PAK2: variants seen among roughly 807,000 people sequenced by gnomAD.
PAK2 encodes the protein serine/threonine-protein kinase PAK 2.
Under a neutral mutation model 65.9 loss-of-function variants are expected in PAK2, and 21 were observed. The ratio of observed to expected loss-of-function variants is 0.32; its 90% CI spans 0.23 to 0.46. The LOEUF (loss-of-function observed/expected upper bound fraction) is 0.46. PAK2 is among the 20% of genes least tolerant of loss of function. The pLI, the probability that PAK2 is intolerant of heterozygous loss-of-function variation, is 1.00. For missense variants in PAK2, 324 were observed against 642.6 expected (o/e 0.50, Z 5.36); for synonymous variants, 204 against 219.7 (o/e 0.93, Z 0.63).
At chr3:196,776,664 C>A (rs769425752) in intron 1 of PAK2, among the ~76,000 whole-genome samples, 2 of 152,228 alleles carry the variant, frequency 1.3e-5, no homozygotes, top group African/African-American at 2.4e-5. Context: ...TACTGCATAA[C>A]GAGATGTGTC....
At chr3:196,777,196 T>G (rs939089381) in intron 1 of PAK2, among the ~76,000 whole-genome samples, 11 of 151,928 alleles carry the variant, frequency 7.2e-5, no homozygotes, top group Non-Finnish European at 1.6e-4. Flanking sequence ...AACAACTTGG[T>G]TTTTTTTGTT....
At chr3:196,790,964 C>G (rs928999444) in intron 2 of PAK2, among the ~76,000 whole-genome samples, 2 of 152,300 alleles carry the variant, frequency 1.3e-5, no homozygotes, top group African/African-American at 4.8e-5. Flanking sequence ...AGCTCTCTGG[C>G]TCCTGAAAAG....
In PAK2 at chr3:196,811,217, C is replaced by CTTCCT. The variant is rs1560113562; in HGVS notation, c.773+565_773+566insTCCTT. The stretch of plus-strand genomic sequence containing the variant: ...TTCCTTCCTCCCTTCCTTCCCTTCC[C>CTTCCT]TCCCTCCCTTCCCTTCCCTTCCTTC... On this transcript the variant is annotated intron_variant, in intron 8 of 14. Transcript: ENST00000327134. 7.4e-3 allele frequency among the ~76,000 whole-genome samples: 40 copies of CTTCCT among 5,394 alleles called. 13 individuals are homozygous for CTTCCT. Among genetic ancestry groups the CTTCCT allele is most frequent in the Non-Finnish European group, 0.011 (33 of 3,066 alleles). The allele number at this position is 5,394 out of a possible 152,430, so 3.5% of individuals were successfully genotyped here.
intron 7 of PAK2, among the ~76,000 whole-genome samples, chr3:196,809,075 CAA>C (rs921598933): frequency 7.2e-6 from 1 of 138,192 alleles, no homozygotes. Context: ...TCCACCCCCT[CAA>C]AAAAAAAAGA....
At chr3:196,772,462 T>TA (rs1208195160) in intron 1 of PAK2, among the ~76,000 whole-genome samples, 4 of 152,228 alleles carry the variant, frequency 2.6e-5, no homozygotes, top group African/African-American at 9.6e-5. Flanking sequence ...AAAGACTTGA[T>TA]ACGTTATCCA....
chr3:196,814,145 TTGTC>T (rs1218186234), intron 10 of PAK2, among the ~76,000 whole-genome samples: 6 of 152,142 alleles, frequency 3.9e-5, no homozygotes, highest in Non-Finnish European at 5.9e-5. Flanking sequence ...CTCCAAGCCT[TTGTC>T]TGTTTATCTC....
intron 2 of PAK2, among the ~76,000 whole-genome samples, chr3:196,787,974 C>T (rs553430373): frequency 6.6e-6 from 1 of 152,258 alleles, no homozygotes; most frequent in African/African-American, 2.4e-5. Context: ...TTATCCCGTT[C>T]ATCACCCTAG....
chr3:196,781,190 AT>A (rs1714704106), intron 1 of PAK2, among the ~76,000 whole-genome samples: 1 of 152,234 alleles, frequency 6.6e-6, no homozygotes, highest in African/African-American at 2.4e-5. Flanking sequence ...TTCATTGTAT[AT>A]ATGCAAGGTT....
At chr3:196,786,160 A>G (rs980659876) in intron 2 of PAK2, among the ~76,000 whole-genome samples, 2 of 146,430 alleles carry the variant, frequency 1.4e-5, no homozygotes, top group Non-Finnish European at 3.0e-5. Flanking sequence ...GATTTGATCA[A>G]TTTCTCTTTT....
intron 13 of PAK2, among the ~76,000 whole-genome samples, chr3:196,825,991 G>GCC (rs1363064096): frequency 2.8e-5 from 4 of 144,536 alleles, no homozygotes; most frequent in Admixed American, 1.4e-4. Flanking sequence ...CTACAGGCAT[G>GCC]TGCCACCACA....
chr3:196,827,150 G>C, intron 13 of PAK2, 46 bp from the exon 14 acceptor site: 1 of 1,397,394 alleles, frequency 7.2e-7, no homozygotes. Context: ...CTCTGTGACC[G>C]TGTTGAGCTA....
intron 1 of PAK2, among the ~76,000 whole-genome samples, chr3:196,758,248 A>G (rs1713831511): frequency 1.3e-5 from 2 of 152,264 alleles, no homozygotes; most frequent in African/African-American, 2.4e-5. Context: ...CAGTGTGATG[A>G]ATGTTGAGAT....
intron 1 of PAK2, among the ~76,000 whole-genome samples, chr3:196,748,331 A>C (rs1479498760): frequency 2.0e-5 from 3 of 152,258 alleles, no homozygotes; most frequent in Non-Finnish European, 1.5e-5. Flanking sequence ...CAGCATTCAC[A>C]CATCATCACT....
At chr3:196,780,120 G>A (rs1050727566) in intron 1 of PAK2, among the ~76,000 whole-genome samples, 2 of 152,194 alleles carry the variant, frequency 1.3e-5, no homozygotes, top group Non-Finnish European at 2.9e-5. Flanking sequence ...TCATGAGCTG[G>A]TTAGGAAGAA....
At chr3:196,780,263 C>G (rs775957928) in intron 1 of PAK2, among the ~76,000 whole-genome samples, 3 of 152,200 alleles carry the variant, frequency 2.0e-5, no homozygotes, top group Non-Finnish European at 4.4e-5. Context: ...GCTAGTTACC[C>G]CCTCTCTTAG....
intron 1 of PAK2, among the ~76,000 whole-genome samples, chr3:196,764,891 G>A (rs1161309747): frequency 1.4e-5 from 2 of 141,948 alleles, no homozygotes; most frequent in Non-Finnish European, 3.0e-5. Context: ...TGCCCAGGCT[G>A]GAGTGCAGTG....
At chr3:196,803,191 A>G in intron 4 of PAK2, 27 bp downstream of exon 4, 12 of 1,548,424 alleles carry the variant, frequency 7.7e-6, no homozygotes, top group Non-Finnish European at 1.0e-5. Flanking sequence ...AGGCTGGATC[A>G]GATGGAGATT....
intron 12 of PAK2, among the ~76,000 whole-genome samples, chr3:196,819,661 C>A (rs1043659833): frequency 6.6e-6 from 1 of 152,064 alleles, no homozygotes; most frequent in Non-Finnish European, 1.5e-5. Context: ...ATGGGTTTAA[C>A]AGTATAAGAA....
chr3:196,740,840 G>A (rs569652035), intron 1 of PAK2, among the ~76,000 whole-genome samples: 1 of 151,990 alleles, frequency 6.6e-6, no homozygotes, highest in South Asian at 2.1e-4. Context: ...ACCATGTTTG[G>A]CTCTCTTGGA....
Sources: gnomAD v4.1 joint callset for allele counts (sites outside exome capture counted in the v4.1 genomes callset) on GRCh38, gnomAD v4.1.1 for gene constraint, MANE v1.5 for transcripts, NCBI Gene and HGNC (gene_info 2026-07-23, HGNC 2026-07-21) for gene names.